TRIM37: variants seen among roughly 807,000 people sequenced by gnomAD.
TRIM37 encodes E3 ubiquitin-protein ligase TRIM37.
Under a neutral mutation model 129.8 loss-of-function variants are expected in TRIM37, and 80 were observed. The observed-to-expected ratio is 0.62, with a 90% CI of 0.51 to 0.74. The LOEUF is 0.74. Among genes scored for constraint, TRIM37 ranks in the 30% least tolerant of loss-of-function variants. TRIM37 has a pLI of 0.00. For synonymous variants in TRIM37, 389 were observed against 387.1 expected, an observed-to-expected ratio of 1.00 and a Z score of -0.06; for missense variants, 1,054 against 1,176.5, an observed-to-expected ratio of 0.90 and a Z score of 1.52.
chr17:58,985,714 A>T (rs1340031095), intron 24 of TRIM37, among the ~76,000 whole-genome samples: 1 of 152,196 alleles, frequency 6.6e-6, no homozygotes, highest in Non-Finnish European at 1.5e-5. Flanking sequence ...CTTCCAAACG[A>T]GTCAACCTTG....
chr17:59,054,568 C>T (rs2040652847), intron 13 of TRIM37, among the ~76,000 whole-genome samples: 1 of 152,196 alleles, frequency 6.6e-6, no homozygotes, highest in Non-Finnish European at 1.5e-5. Flanking sequence ...TCCCAAAGTG[C>T]TGGGATTACA....
intron 9 of TRIM37, among the ~76,000 whole-genome samples, chr17:59,067,134 A>G (rs578164428): frequency 1.3e-5 from 2 of 152,024 alleles, no homozygotes; most frequent in Non-Finnish European, 2.9e-5. Flanking sequence ...CATTCTTTAT[A>G]TGTATATACA....
At chr17:59,020,881 G>A (rs909885759) in intron 19 of TRIM37, among the ~76,000 whole-genome samples, 5 of 152,196 alleles carry the variant, frequency 3.3e-5, no homozygotes, top group Admixed American at 3.3e-4. Context: ...TGGTGGGAAT[G>A]TAAGTTAGTA....
chr17:59,091,493 A>G (rs1397216587), intron 2 of TRIM37, among the ~76,000 whole-genome samples, 153 bp from the exon 3 acceptor site: 1 of 118,778 alleles, frequency 8.4e-6, no homozygotes, highest in African/African-American at 3.3e-5. Context: ...TATATAATAT[A>G]TTATTATATA....
At chr17:59,037,837 T>TA (rs2038723489) in intron 17 of TRIM37, among the ~76,000 whole-genome samples, 1 of 152,142 alleles carries the variant, frequency 6.6e-6, no homozygotes, top group Admixed American at 6.5e-5. Context: ...AGTACTGAAA[T>TA]ACATTTAGTT....
At chr17:58,974,634 G>A in the TRIM37 span, among the ~76,000 whole-genome samples, 2 of 152,086 alleles carry the variant, frequency 1.3e-5, no homozygotes, top group Non-Finnish European at 2.9e-5. Flanking sequence ...TGGGTGATAT[G>A]TACATTACAT....
chr17:58,980,396 C>A (rs753162691), downstream of TRIM37: 1 of 1,614,092 alleles, frequency 6.2e-7, no homozygotes, highest in Non-Finnish European at 8.5e-7. This position sits in a 1 kb window ranked among gnomAD's most constrained non-coding sequence, Gnocchi z 4.7. Context: ...CTATGATGGG[C>A]GTGTGGATTC....
intron 1 of TRIM37, 99 bp downstream of exon 1, chr17:59,106,342 G>A: frequency 1.4e-6 from 2 of 1,429,360 alleles, no homozygotes; most frequent in South Asian, 1.2e-5. Flanking sequence ...GCGGGGTAGG[G>A]GTGCCCTACT....
intron 24 of TRIM37, among the ~76,000 whole-genome samples, chr17:58,989,784 AAGG>A (rs560298819): frequency 4.6e-5 from 7 of 152,316 alleles, no homozygotes; most frequent in African/African-American, 1.2e-4. Context: ...AGAATCCTAG[AAGG>A]AGAAGAGAAA....
intron 2 of TRIM37, among the ~76,000 whole-genome samples, chr17:59,099,620 G>T (rs532872892): frequency 9.9e-5 from 15 of 152,138 alleles, no homozygotes; most frequent in African/African-American, 3.6e-4. Flanking sequence ...TCCTGGAAAA[G>T]ATGCTAACAT....
At chr17:58,983,140 C>A in intron 24 of TRIM37, 1 of 490,412 alleles carries the variant, frequency 2.0e-6, no homozygotes, top group South Asian at 3.1e-5. Context: ...AAACACAGAC[C>A]CATCTTTAGG....
At chr17:59,039,742 G>A (rs2038951041) in intron 17 of TRIM37, among the ~76,000 whole-genome samples, 1 of 152,022 alleles carries the variant, frequency 6.6e-6, no homozygotes, top group African/African-American at 2.4e-5. Flanking sequence ...ATGATACAGA[G>A]GAATGACAGA....
At chr17:59,099,932 G>A (rs1225112536) in intron 2 of TRIM37, among the ~76,000 whole-genome samples, 1 of 152,084 alleles carries the variant, frequency 6.6e-6, no homozygotes, top group Non-Finnish European at 1.5e-5. Context: ...GGCTCCCAAG[G>A]AGCTGGGATT....
chr17:59,030,840 T>C (rs1290519093), intron 18 of TRIM37, among the ~76,000 whole-genome samples: 1 of 152,192 alleles, frequency 6.6e-6, no homozygotes, highest in Non-Finnish European at 1.5e-5. Flanking sequence ...TACTACAAAA[T>C]TGTCCTTCAA....
intron 4 of TRIM37, among the ~76,000 whole-genome samples, chr17:59,085,626 G>A (rs1281257236): frequency 2.0e-5 from 3 of 152,172 alleles, no homozygotes; most frequent in Non-Finnish European, 4.4e-5. Context: ...ATGGAAAACA[G>A]TATGGAGATT....
At chr17:59,040,366 T>C (rs780785381) in intron 17 of TRIM37, among the ~76,000 whole-genome samples, 1 of 151,940 alleles carries the variant, frequency 6.6e-6, no homozygotes, top group Non-Finnish European at 1.5e-5. Flanking sequence ...GAGTACCAAA[T>C]GAATTTATGC....
chr17:59,042,126 C>T (rs1248677997), intron 16 of TRIM37, among the ~76,000 whole-genome samples: 1 of 151,810 alleles, frequency 6.6e-6, no homozygotes, highest in East Asian at 1.9e-4. Context: ...CCTGTAATCC[C>T]AGCACTTTGG....
downstream of TRIM37, among the ~76,000 whole-genome samples, chr17:58,996,389 G>C (rs181756810): frequency 1.3e-5 from 2 of 150,542 alleles, no homozygotes; most frequent in Non-Finnish European, 2.9e-5. Flanking sequence ...AGAATGGCTT[G>C]AATCAGGGAG....
At chr17:59,088,264 T>A in intron 4 of TRIM37, 27 bp downstream of exon 4, 2 of 1,480,706 alleles carry the variant, frequency 1.4e-6, no homozygotes, top group Non-Finnish European at 1.9e-6. Context: ...ATCCATTCAA[T>A]ATTGAACAAA....
Sources: allele counts gnomAD v4.1 joint callset (sites outside exome capture counted in the v4.1 genomes callset), GRCh38; gene constraint gnomAD v4.1.1; non-coding constraint Gnocchi (gnomAD v3.1); transcripts MANE v1.5; gene names NCBI Gene and HGNC (gene_info 2026-07-23, HGNC 2026-07-21).